Variants in PTPN13 observed in about 807,000 individuals in gnomAD.
PTPN13 encodes the protein protein tyrosine phosphatase non-receptor type 13.
A neutral mutation model predicts 284.0 loss-of-function variants in PTPN13; 191 were observed. The observed-to-expected ratio is 0.67, with a 90% CI of 0.60 to 0.76. PTPN13 has a LOEUF of 0.76. PTPN13 is among the 30% of genes least tolerant of loss of function. The pLI is 0.00. For synonymous variants in PTPN13, 986 were observed against 1,022.3 expected, an observed-to-expected ratio of 0.96 and a Z score of 0.68; for missense variants, 2,797 against 2,939.9, an observed-to-expected ratio of 0.95 and a Z score of 1.12.
chr4:86,731,211 G>A (rs975233532), intron 10 of PTPN13, among the ~76,000 whole-genome samples: 1 of 152,064 alleles, frequency 6.6e-6, no homozygotes, highest in African/African-American at 2.4e-5. Context: ...CTTGCTTCTG[G>A]CCTCAAGATT....
chr4:86,699,371 G>A (rs886992940), intron 6 of PTPN13, among the ~76,000 whole-genome samples: 1 of 151,844 alleles, frequency 6.6e-6, no homozygotes, highest in African/African-American at 2.4e-5. Flanking sequence ...GGGAGACGGA[G>A]CGAGACTCTA....
intron 7 of PTPN13, among the ~76,000 whole-genome samples, chr4:86,703,712 T>A (rs187720565): frequency 3.1e-4 from 47 of 152,036 alleles, no homozygotes; most frequent in Admixed American, 1.3e-3. Context: ...ACAAAAAAAA[T>A]TTTTTAATTA....
Position 86,814,488 on chromosome 4 carries a change from T to G in PTPN13, c.7395T>G (p.Leu2465=). 1 of 1,612,946 alleles carries G rather than the reference T, an allele frequency of 6.2e-7. No individual in the cohort carries two copies. The highest frequency in any genetic ancestry group is 1.1e-5 in the South Asian group (1 of 91,024). The part of the protein sequence containing the change: ...DQYIFCYQVI[L]YVLTRLQAEE... The stretch of plus-strand genomic sequence containing the variant: ...ATATTTTCTGCTATCAAGTCATCCT[T>G]TATGTCCTGACACGTCTTCAAGCAG... Residue 2465 remains leucine, a synonymous_variant, in exon 48 of 48, where the codon CTT becomes CTG. Transcript: ENST00000411767.
intron 1 of PTPN13, among the ~76,000 whole-genome samples, chr4:86,633,400 C>A (rs76895882): frequency 0.044 from 6,694 of 152,206 alleles, 196 homozygotes; most frequent in African/African-American, 0.052. Flanking sequence ...GTATTAGGCA[C>A]TGCCTGATGT....
chr4:86,664,109 C>T (rs539180205), intron 2 of PTPN13, among the ~76,000 whole-genome samples: 2 of 149,032 alleles, frequency 1.3e-5, no homozygotes, highest in East Asian at 2.0e-4. Context: ...TGTGTAGATT[C>T]CTGTACTCTG....
intron 13 of PTPN13, 132 bp from the exon 14 acceptor site, chr4:86,734,605 C>A: frequency 1.6e-6 from 2 of 1,264,048 alleles, no homozygotes; most frequent in South Asian, 3.4e-5. Context: ...TTTATCTAAT[C>A]CTTATGCCTT....
At chr4:86,773,072 C>G in intron 32 of PTPN13, 114 bp downstream of exon 32, 1 of 720,856 alleles carries the variant, frequency 1.4e-6, no homozygotes. Context: ...ATATGTGTGT[C>G]TAATAAATGG....
At chr4:86,745,956 A>G (rs1212283962) in intron 17 of PTPN13, among the ~76,000 whole-genome samples, 1 of 152,142 alleles carries the variant, frequency 6.6e-6, no homozygotes, top group Non-Finnish European at 1.5e-5. Context: ...AGATGAGGGA[A>G]AAAACACAGG....
At chr4:86,665,186 G>T (rs1726929524) in intron 2 of PTPN13, among the ~76,000 whole-genome samples, 1 of 152,080 alleles carries the variant, frequency 6.6e-6, no homozygotes, top group South Asian at 2.1e-4. Context: ...CAGTGGTTGT[G>T]GTTTGAGCAA....
Position 86,771,179 on chromosome 4 carries a change from TC to T in PTPN13, c.4813del (p.Gln1605SerfsTer59). 1 of 1,609,480 alleles carries T rather than the reference TC, an allele frequency of 6.2e-7. No individual in the cohort carries two copies. The highest frequency in any genetic ancestry group is 8.5e-7 in the Non-Finnish European group (1 of 1,177,494). ...EIDTALLTPL[Q>X]SPAQVLPNSS... ...AAATGTGTCCATTACAGACCCCACT[TC>T]AGTCTCCAGCACAAGTACTTCCAAA... On this transcript the variant is annotated frameshift_variant, in exon 31 of 48. Coordinates refer to ENST00000411767, the MANE Select transcript of PTPN13 (RefSeq NM_080683.3). LOFTEE classifies it high-confidence loss of function.
chr4:86,701,503 G>A lies in PTPN13; in HGVS notation c.897G>A (p.Trp299Ter), dbSNP rs756605211. Residue 299 changes from tryptophan (W) to a stop codon, truncating the protein, a stop_gained, in exon 7 of 48, where the codon TGG becomes TGA. Transcript: ENST00000411767. LOFTEE classifies it high-confidence loss of function. ...ATGTGCTTTCTAAGAAGAAGATCTG[G>A]GCTTCATCCATGGACTTGCTTTGTA... ...GIDVLSKKKI[W>*]ASSMDLLCTA... 2 of 1,613,784 alleles carry A rather than the reference G, an allele frequency of 1.2e-6. No homozygotes were observed. Among genetic ancestry groups the A allele is most frequent in the Non-Finnish European group, 1.7e-6 (2 of 1,179,872 alleles).
Position 86,686,767 on chromosome 4 carries a change from C to G in PTPN13, c.352C>G (p.Gln118Glu). The change falls in exon 4 of 48, where the codon CAG becomes GAG. Residue 118 changes from glutamine (Q) to glutamate (E), a missense_variant. Coordinates refer to ENST00000411767, the MANE Select transcript of PTPN13 (RefSeq NM_080683.3). ...LYWGADYEVP[Q>E]SQPIKLGDHL... ...TTGGGGGGCTGATTATGAAGTGCCT[C>G]AGAGCCAAGTAAGTTAAGTTTTTAC... 6.3e-7 allele frequency: 1 copy of G among 1,575,498 alleles called. No homozygotes were observed. The highest frequency in any genetic ancestry group is 1.2e-5 in the South Asian group (1 of 85,060).
intron 27 of PTPN13, 93 bp downstream of exon 27, chr4:86,766,610 T>G (rs1739345868): frequency 1.1e-6 from 1 of 916,358 alleles, no homozygotes; most frequent in Non-Finnish European, 1.6e-6. Flanking sequence ...TCTAAATTTG[T>G]CAGCTAATCA....
chr4:86,677,634 GT>G (rs1268754143), intron 3 of PTPN13, among the ~76,000 whole-genome samples: 8,074 of 139,990 alleles, frequency 0.058, 264 homozygotes, highest in African/African-American at 0.078. Context: ...TCTTGTGTGG[GT>G]TTTTTTTTTT....
At position 86,784,682 on chromosome 4, in the gene PTPN13, T is replaced by C. The variant is rs549059476; in HGVS notation, c.6118+124T>C. The C allele has an allele frequency of 9.1e-5, 58 of 639,572 alleles. No homozygotes were observed. The South Asian group carries it at 1.1e-3, about 12-fold the overall frequency. 39.6% of individuals were successfully genotyped at this position (639,572 alleles called of 1,614,324 possible). ...CTGTAGCTTTAAAGGGAAAGATTAT[T>C]GGTCAAATAAACAAAAGAACAATAT... On this transcript the variant is annotated intron_variant, in intron 38 of 47. Coordinates refer to ENST00000411767, the MANE Select transcript of PTPN13 (RefSeq NM_080683.3).
In PTPN13 at chr4:86,772,795, C is replaced by G. The variant is rs1358177002; in HGVS notation, c.5186C>G (p.Pro1729Arg). ...EFEDSNPSPL[P>R]PDMAPGQSYQ... ...CTCTGTAGTAATCCTTCCCCTCTACCACCGGATATGGCTCCTGGGCAGAGT... is the reference window on the plus strand; with the variant it reads ...CTCTGTAGTAATCCTTCCCCTCTACGACCGGATATGGCTCCTGGGCAGAGT... The change falls in exon 32 of 48, where the codon CCA becomes CGA. Residue 1729 changes from proline to arginine, a missense_variant. Physicochemically the swap from Pro to Arg is moderately radical, Grantham distance 103 (BLOSUM62 -2). Coordinates refer to ENST00000411767, the MANE Select transcript of PTPN13 (RefSeq NM_080683.3). The G allele has an allele frequency of 6.2e-7, 1 of 1,604,382 alleles. No individual in the cohort carries two copies. The highest frequency in any genetic ancestry group is 1.3e-5 in the African/African-American group (1 of 74,356).
intron 16 of PTPN13, among the ~76,000 whole-genome samples, chr4:86,743,586 ATTTCTG>A (rs1026459251): frequency 2.0e-5 from 3 of 152,204 alleles, no homozygotes; most frequent in African/African-American, 7.2e-5. Flanking sequence ...ATACTTACTA[ATTTCTG>A]TTTCTAACAA....
chr4:86,656,939 C>T (rs113060128), intron 2 of PTPN13, among the ~76,000 whole-genome samples: 7,056 of 152,282 alleles, frequency 0.046, 221 homozygotes, highest in African/African-American at 0.06. Flanking sequence ...CGCCCATCCC[C>T]GAGCCTCGCT....
intron 3 of PTPN13, 69 bp downstream of exon 3, chr4:86,672,612 AC>A: frequency 8.0e-7 from 1 of 1,248,318 alleles, no homozygotes; most frequent in Non-Finnish European, 1.1e-6. Context: ...ACAATGGGCT[AC>A]CATGTTTCAA....
Sources: gnomAD v4.1 joint callset for allele counts (sites outside exome capture counted in the v4.1 genomes callset) on GRCh38, gnomAD v4.1.1 for gene constraint, MANE v1.5 for transcripts, NCBI Gene and HGNC (gene_info 2026-07-23, HGNC 2026-07-21) for gene names.